Variants in AHCTF1 observed in about 807,000 individuals in gnomAD.
The protein encoded by AHCTF1 is AT-hook containing transcription factor 1, also known as protein ELYS.
In AHCTF1, 24 loss-of-function variants were observed where a neutral mutation model predicts 248.4. The ratio of observed to expected loss-of-function variants is 0.10; its 90% CI spans 0.07 to 0.14. The LOEUF (loss-of-function observed/expected upper bound fraction) is 0.14. Among genes scored for constraint, AHCTF1 ranks in the 10% least tolerant of loss-of-function variants. The pLI is 1.00. For missense variants in AHCTF1, 2,206 were observed against 2,636.2 expected (o/e 0.84, Z 3.57); for synonymous variants, 786 against 929.8 (o/e 0.85, Z 2.81).
intron 5 of AHCTF1, 58 bp from the exon 6 acceptor site, chr1:246,905,715 ACAT>A: frequency 7.2e-7 from 1 of 1,383,762 alleles, no homozygotes. Context: ...GGAAAAAGGT[ACAT>A]CATGTAAGAA....
chr1:246,887,388 TACA>T (rs781300061), intron 19 of AHCTF1, 31 bp from the exon 20 acceptor site: 46 of 1,578,582 alleles, frequency 2.9e-5, no homozygotes, highest in Non-Finnish European at 3.7e-5. Context: ...GACAATAAAA[TACA>T]ACAACAAAAA....
intron 33 of AHCTF1, among the ~76,000 whole-genome samples, chr1:246,845,539 C>A (rs1306886902): frequency 1.3e-5 from 2 of 152,158 alleles, no homozygotes; most frequent in Admixed American, 1.3e-4. Flanking sequence ...TAACTCTCTT[C>A]TAGGCTACCT....
chr1:246,844,778 A>G (rs543271264), intron 33 of AHCTF1, among the ~76,000 whole-genome samples: 1 of 151,998 alleles, frequency 6.6e-6, no homozygotes, highest in East Asian at 1.9e-4. Flanking sequence ...GTTTAAAATA[A>G]GGAATTAAAA....
At chr1:246,926,811 G>A (rs1290102735) in intron 1 of AHCTF1, among the ~76,000 whole-genome samples, 2 of 151,944 alleles carry the variant, frequency 1.3e-5, no homozygotes, top group Admixed American at 6.6e-5. Context: ...AGCCGACACT[G>A]CACCATTGCA....
chr1:246,846,286 G>A (rs916127912), intron 33 of AHCTF1, among the ~76,000 whole-genome samples: 12 of 151,644 alleles, frequency 7.9e-5, no homozygotes, highest in African/African-American at 2.9e-4. Context: ...CTCGGCACCT[G>A]CATCCCTATG....
intron 34 of AHCTF1, 82 bp from the exon 35 acceptor site, chr1:246,842,858 G>C (rs5021094): frequency 7.4e-6 from 9 of 1,216,434 alleles, no homozygotes; most frequent in African/African-American, 3.0e-5. Flanking sequence ...AGGAATACTA[G>C]AGCCAAACAC....
intron 21 of AHCTF1, among the ~76,000 whole-genome samples, chr1:246,885,139 C>A (rs1184606798): frequency 6.6e-6 from 1 of 152,142 alleles, no homozygotes; most frequent in Admixed American, 6.5e-5. Flanking sequence ...CATTGGAAGA[C>A]CAATAAACAT....
intron 26 of AHCTF1, 34 bp from the exon 27 acceptor site, chr1:246,864,150 TG>T (rs1661781921): frequency 1.3e-6 from 2 of 1,587,432 alleles, no homozygotes; most frequent in Non-Finnish European, 1.7e-6. Context: ...TGAGTTATAC[TG>T]AAAAAACAAA....
rs771386830 is a variant in AHCTF1 at position 246,891,799 on chromosome 1, G to A, written c.1925C>T (p.Ala642Val). ...CGTACCTCTCTCAGTGATCTCTCGGGCTTCTGATGCAAAACAGCTCAAGAC... is the reference window on the plus strand; with the variant it reads ...CGTACCTCTCTCAGTGATCTCTCGGACTTCTGATGCAAAACAGCTCAAGAC... ...NIVLSCFASE[A>V]REITERGLID... Residue 642 changes from alanine to valine, a missense_variant, in exon 15 of 36, where the codon GCC becomes GTC. This residue lies in a region of AHCTF1 where 650 missense variants were observed against 870.8 expected (regional missense o/e 0.75). Transcript: ENST00000648844. 10 of 1,611,396 alleles carry A rather than the reference G, an allele frequency of 6.2e-6. No homozygotes were observed. The South Asian group carries it at 1.1e-4, about 18-fold the overall frequency.
chr1:246,857,069 G>C (rs1661162064), intron 30 of AHCTF1, among the ~76,000 whole-genome samples: 1 of 152,160 alleles, frequency 6.6e-6, no homozygotes, highest in Admixed American at 6.5e-5. Flanking sequence ...TGAATCAATT[G>C]CTTCACTAAT....
At position 246,880,302 on chromosome 1, in the gene AHCTF1, C is replaced by A. The variant is rs141097043; in HGVS notation, c.2661-3000G>T. On this transcript the variant is annotated intron_variant, in intron 21 of 35. Coordinates refer to ENST00000648844, the MANE Select transcript of AHCTF1 (RefSeq NM_001323342.2). ...ACTTTAGGCAGGGTGTGGTGGCTCACGCCTGTAATCCCAGCACTTTGGGAG... is the reference window on the plus strand; with the variant it reads ...ACTTTAGGCAGGGTGTGGTGGCTCAAGCCTGTAATCCCAGCACTTTGGGAG... 9.9e-3 allele frequency among the ~76,000 whole-genome samples: 1,497 copies of A among 151,684 alleles called. 13 individuals carry two copies. Among genetic ancestry groups the A allele is most frequent in the Admixed American group, 0.018 (281 of 15,232 alleles).
intron 24 of AHCTF1, among the ~76,000 whole-genome samples, chr1:246,874,020 C>T (rs1160182859): frequency 6.6e-6 from 1 of 152,162 alleles, no homozygotes; most frequent in African/African-American, 2.4e-5. Flanking sequence ...GACACTGCCA[C>T]CTGCCACCTC....
At chr1:246,864,519 A>G (rs1485183666) in intron 26 of AHCTF1, among the ~76,000 whole-genome samples, 1 of 152,158 alleles carries the variant, frequency 6.6e-6, no homozygotes, top group African/African-American at 2.4e-5. Context: ...CCATTCACCT[A>G]CATGTAATAT....
At chr1:246,874,887 T>C (rs1662832061) in intron 24 of AHCTF1, among the ~76,000 whole-genome samples, 1 of 152,132 alleles carries the variant, frequency 6.6e-6, no homozygotes, top group South Asian at 2.1e-4. Flanking sequence ...AGGGGGAAAA[T>C]TTGTAAACAG....
intron 30 of AHCTF1, among the ~76,000 whole-genome samples, chr1:246,856,475 T>C (rs1661116455): frequency 6.6e-6 from 1 of 152,160 alleles, no homozygotes; most frequent in African/African-American, 2.4e-5. Context: ...CACCACAAAA[T>C]ATCAAATAAG....
intron 29 of AHCTF1, 67 bp from the exon 30 acceptor site, chr1:246,857,881 T>C (rs906510403): frequency 6.4e-5 from 93 of 1,445,628 alleles, no homozygotes; most frequent in Admixed American, 8.3e-5. Flanking sequence ...AGTCTTGCAT[T>C]ATTACTTTTT....
chr1:246,869,259 C>T (rs139118312), intron 24 of AHCTF1, among the ~76,000 whole-genome samples: 8 of 152,240 alleles, frequency 5.3e-5, no homozygotes, highest in Non-Finnish European at 7.4e-5. Context: ...TGTTCCCCCG[C>T]GTCTCTCCCT....
chr1:246,861,312 T>C lies in AHCTF1; in HGVS notation c.3736-17A>G. The C allele has an allele frequency of 6.3e-7, 1 of 1,580,892 alleles. No individual in the cohort carries two copies. Among genetic ancestry groups the C allele is most frequent in the Non-Finnish European group, 8.6e-7 (1 of 1,160,412 alleles). On this transcript the variant is annotated splice_polypyrimidine_tract_variant and intron_variant, in intron 28 of 35. Coordinates refer to ENST00000648844, the MANE Select transcript of AHCTF1 (RefSeq NM_001323342.2). ...ATCTGCAGCCTGTAAAGTAAGATTT[T>C]GAAAAGAAAAAAATTAGTAAATATC... is the stretch of plus-strand genomic sequence containing the variant.
At chr1:246,889,206 G>A (rs753034362) in intron 17 of AHCTF1, among the ~76,000 whole-genome samples, 1 of 152,144 alleles carries the variant, frequency 6.6e-6, no homozygotes, top group South Asian at 2.1e-4. Context: ...TCCTTCACTC[G>A]AATATCTATT....
Sources: allele counts gnomAD v4.1 joint callset (sites outside exome capture counted in the v4.1 genomes callset), GRCh38; gene constraint gnomAD v4.1.1; regional missense constraint gnomAD v4.1.1; transcripts MANE v1.5; gene names NCBI Gene and HGNC (gene_info 2026-07-23, HGNC 2026-07-21).